The following GNB4 variants were observed in gnomAD, a reference collection of about 807,000 sequenced individuals.
GNB4 encodes the protein G protein subunit beta 4, also known as guanine nucleotide-binding protein subunit beta-4.
In GNB4, 28 loss-of-function variants were observed where a neutral mutation model predicts 45.2. That is an observed-to-expected ratio of 0.62 (90% CI 0.46 to 0.85). The LOEUF is 0.85. Ranked by LOEUF, GNB4 falls within the 40% of genes least tolerant of loss-of-function variation. The pLI, the probability that GNB4 is intolerant of heterozygous loss-of-function variation, is 0.00. For missense variants in GNB4, 321 were observed against 425.4 expected, an observed-to-expected ratio of 0.75 and a Z score of 2.16; for synonymous variants, 132 against 143.7, an observed-to-expected ratio of 0.92 and a Z score of 0.58.
intron 5 of GNB4, among the ~76,000 whole-genome samples, chr3:179,416,147 T>C (rs1233094775): frequency 6.6e-6 from 1 of 152,166 alleles, no homozygotes; most frequent in Non-Finnish European, 1.5e-5. Context: ...AGCTTCCCAC[T>C]AGCCATCTAA....
chr3:179,460,574 A>C, the GNB4 span, among the ~76,000 whole-genome samples: 1 of 152,216 alleles, frequency 6.6e-6, no homozygotes, highest in Non-Finnish European at 1.5e-5. Context: ...CAGCTCTAAA[A>C]ATAAAACTTA....
At chr3:179,527,578 C>T in the GNB4 span, among the ~76,000 whole-genome samples, 1 of 152,292 alleles carries the variant, frequency 6.6e-6, no homozygotes, top group African/African-American at 2.4e-5. Context: ...CCTCACTTTA[C>T]AAATGAGCAA....
intron 1 of GNB4, chr3:179,437,643 G>A (rs1248754961): frequency 6.6e-6 from 1 of 152,028 alleles, no homozygotes; most frequent in African/African-American, 2.4e-5. Context: ...ATGAGTTCAG[G>A]TCATATAAGG....
At chr3:179,467,900 G>A in the GNB4 span, among the ~76,000 whole-genome samples, 1 of 151,576 alleles carries the variant, frequency 6.6e-6, no homozygotes, top group Admixed American at 6.6e-5. Flanking sequence ...AACCTGTATT[G>A]TTCATGTGAA....
At chr3:179,416,331 A>G (rs1223312704) in intron 5 of GNB4, among the ~76,000 whole-genome samples, 162 bp downstream of exon 5, 5 of 152,254 alleles carry the variant, frequency 3.3e-5, no homozygotes, top group African/African-American at 9.6e-5. Flanking sequence ...AGGGTTAAAC[A>G]TTAAAAGTAA....
chr3:179,527,777 C>CGTGTGTGTGTGT, the GNB4 span, among the ~76,000 whole-genome samples: 3 of 122,148 alleles, frequency 2.5e-5, no homozygotes, highest in South Asian at 2.8e-4. Context: ...CTGATAAGTG[C>CGTGTGTGTGTGT]GTGTGTGTAT....
At chr3:179,414,747 C>T (rs1714747552) in intron 6 of GNB4, 138 bp downstream of exon 6, 1 of 568,034 alleles carries the variant, frequency 1.8e-6, no homozygotes, top group Admixed American at 3.1e-5. Flanking sequence ...TTAATGTTTC[C>T]TTTGTTCATA....
At chr3:179,459,457 C>T in the GNB4 span, among the ~76,000 whole-genome samples, 3 of 151,998 alleles carry the variant, frequency 2.0e-5, no homozygotes, top group South Asian at 2.1e-4. Flanking sequence ...CCAAGGTGGG[C>T]GGATTATCTG....
chr3:179,475,426 G>A, the GNB4 span, among the ~76,000 whole-genome samples: 13 of 149,490 alleles, frequency 8.7e-5, no homozygotes, highest in East Asian at 2.0e-4. Context: ...GCCCAAACTC[G>A]CTTTTTTATT....
intron 1 of GNB4, among the ~76,000 whole-genome samples, chr3:179,445,908 A>G (rs1715709039): frequency 1.3e-5 from 2 of 152,248 alleles, no homozygotes; most frequent in African/African-American, 4.8e-5. Flanking sequence ...GCTAAAGCCA[A>G]AAGTGGAGGA....
At chr3:179,452,061 A>G (rs1715896223), upstream of GNB4, among the ~76,000 whole-genome samples, 1 of 152,188 alleles carries the variant, frequency 6.6e-6, no homozygotes, top group African/African-American at 2.4e-5. Flanking sequence ...AGCATATTAA[A>G]TGAAGTGATG....
At chr3:179,522,767 G>C in the GNB4 span, among the ~76,000 whole-genome samples, 1 of 152,208 alleles carries the variant, frequency 6.6e-6, no homozygotes, top group Non-Finnish European at 1.5e-5. Context: ...GGATCAGAGA[G>C]ATACAGTCAT....
At position 179,421,692 on chromosome 3, in the gene GNB4, C is replaced by G. The variant is rs190739105; in HGVS notation, c.58-765G>C. 4.9e-4 allele frequency among the ~76,000 whole-genome samples: 74 copies of G among 152,372 alleles called. 1 individual carries two copies. The highest frequency in any genetic ancestry group is 6.5e-4 in the Non-Finnish European group (44 of 68,036). On this transcript the variant is annotated intron_variant, in intron 2 of 9. Transcript: ENST00000232564. ...TCAGCCGAGGGAAAAATGCCTGCTT[C>G]AGCTCCCAGCAAACACTGGATGGCA...
At chr3:179,444,423 G>GT (rs34220563) in intron 1 of GNB4, among the ~76,000 whole-genome samples, 30,487 of 135,064 alleles carry the variant, frequency 0.23, 3,473 homozygotes, top group Admixed American at 0.3. Context: ...TTTTCAGGGT[G>GT]TTTTTTTTTT....
At chr3:179,447,311 G>C (rs1157022259) in intron 1 of GNB4, among the ~76,000 whole-genome samples, 1 of 146,218 alleles carries the variant, frequency 6.8e-6, no homozygotes, top group African/African-American at 2.5e-5. Flanking sequence ...AGAAGGGTGT[G>C]CCAGAGCCCA....
At chr3:179,432,336 CTT>C (rs141597946) in intron 1 of GNB4, among the ~76,000 whole-genome samples, 4 of 152,124 alleles carry the variant, frequency 2.6e-5, no homozygotes, top group Admixed American at 1.3e-4. Context: ...ACTTTTCACT[CTT>C]TAAAAAAAAA....
At chr3:179,476,805 G>A in the GNB4 span, among the ~76,000 whole-genome samples, 1 of 152,234 alleles carries the variant, frequency 6.6e-6, no homozygotes, top group African/African-American at 2.4e-5. Flanking sequence ...GGGCCTGCTT[G>A]AGTTACAGCC....
At chr3:179,431,826 G>A (rs1302675080) in intron 1 of GNB4, among the ~76,000 whole-genome samples, 1 of 152,140 alleles carries the variant, frequency 6.6e-6, no homozygotes, top group African/African-American at 2.4e-5. Flanking sequence ...TCCTCAGTGT[G>A]TTCAGCTGTT....
chr3:179,507,060 A>G, the GNB4 span, among the ~76,000 whole-genome samples: 3,332 of 152,294 alleles, frequency 0.022, 216 homozygotes, highest in East Asian at 0.22. Context: ...GGACCAAACT[A>G]AAACTAGAAA....
Sources: allele counts gnomAD v4.1 joint callset (sites outside exome capture counted in the v4.1 genomes callset), GRCh38; gene constraint gnomAD v4.1.1; transcripts MANE v1.5; gene names NCBI Gene and HGNC (gene_info 2026-07-23, HGNC 2026-07-21).